Variants in TSHR observed in about 807,000 individuals in gnomAD.
TSHR encodes the protein thyrotropin receptor.
TSHR carries 51 observed loss-of-function variants against 64.1 expected under a neutral mutation model. That is an observed-to-expected ratio of 0.80 (90% CI 0.64 to 1.01). TSHR has a LOEUF of 1.01. Among genes scored for constraint, TSHR ranks in the 50% least tolerant of loss-of-function variants. The probability of loss-of-function intolerance (pLI) is 0.00; values close to 1 mark genes in which losing one functional copy is unlikely to be tolerated. For missense variants in TSHR, 877 were observed against 942.8 expected (o/e 0.93, Z 0.91); for synonymous variants, 361 against 361.9 (o/e 1.00, Z 0.03).
intron 8 of TSHR, among the ~76,000 whole-genome samples, chr14:81,135,224 GA>G (rs1315936365): frequency 6.6e-6 from 1 of 152,102 alleles, no homozygotes; most frequent in Non-Finnish European, 1.5e-5. Context: ...AGAAAATCAA[GA>G]AAAAAGATGA....
chr14:81,069,093 A>T (rs1306218139), intron 3 of TSHR, among the ~76,000 whole-genome samples: 1 of 152,228 alleles, frequency 6.6e-6, no homozygotes, highest in Non-Finnish European at 1.5e-5. Flanking sequence ...CTTATCTACA[A>T]ATACTTAGTA....
At chr14:80,990,335 A>C (rs1477093178) in intron 1 of TSHR, among the ~76,000 whole-genome samples, 1 of 152,222 alleles carries the variant, frequency 6.6e-6, no homozygotes, top group African/African-American at 2.4e-5. Flanking sequence ...GGGGCAGCTC[A>C]TAATAAGCAA....
intron 8 of TSHR, among the ~76,000 whole-genome samples, chr14:81,110,508 C>A (rs1566819658): frequency 6.6e-6 from 1 of 152,190 alleles, no homozygotes; most frequent in Non-Finnish European, 1.5e-5. Flanking sequence ...CTTGCAGCCT[C>A]CAGAACTGTA....
At chr14:81,087,919 C>G (rs77924349) in intron 3 of TSHR, 35 bp from the exon 4 acceptor site, 1 of 1,374,868 alleles carries the variant, frequency 7.3e-7, no homozygotes, top group Admixed American at 1.7e-5. Flanking sequence ...GATACGGATG[C>G]ATTATAGTGA....
At position 81,143,930 on chromosome 14, in the gene TSHR, G is replaced by A. The variant is rs1891821178; in HGVS notation, c.1872G>A (p.Lys624=). 3.7e-6 allele frequency: 6 copies of A among 1,614,228 alleles called. No individual in the cohort carries two copies. The highest frequency in any genetic ancestry group is 5.1e-6 in the Non-Finnish European group (6 of 1,180,048). Reference sequence around the variant, plus strand: ...GGGACAAAGATACCAAAATTGCCAAGAGGATGGCTGTGTTGATCTTCACCG... The same window carrying A: ...GGGACAAAGATACCAAAATTGCCAAAAGGATGGCTGTGTTGATCTTCACCG... ...NPGDKDTKIA[K]RMAVLIFTDF... Residue 624 remains lysine (K), a synonymous_variant, in exon 10 of 10, where the codon AAG becomes AAA. Transcript: ENST00000298171.
At chr14:80,979,173 T>C (rs1347749069) in intron 1 of TSHR, among the ~76,000 whole-genome samples, 1 of 152,106 alleles carries the variant, frequency 6.6e-6, no homozygotes, top group Non-Finnish European at 1.5e-5. Context: ...CTGGAGGATA[T>C]CATGTTAAGT....
intron 1 of TSHR, among the ~76,000 whole-genome samples, chr14:81,033,555 G>A (rs111229401): frequency 0.062 from 8,341 of 133,660 alleles, 372 homozygotes; most frequent in African/African-American, 0.14. Context: ...GTTAAAATCA[G>A]GGTTTTTTTT....
intron 1 of TSHR, among the ~76,000 whole-genome samples, chr14:80,965,412 G>A (rs1196427526): frequency 6.6e-6 from 1 of 152,186 alleles, no homozygotes; most frequent in Non-Finnish European, 1.5e-5. Flanking sequence ...TTATTGTGGT[G>A]ATTACTTTCT....
intron 1 of TSHR, among the ~76,000 whole-genome samples, chr14:81,024,252 G>C (rs1428300847): frequency 6.7e-6 from 1 of 149,878 alleles, no homozygotes; most frequent in African/African-American, 2.5e-5. Context: ...TTTTTTGTTT[G>C]TTTGTTTGTT....
intron 1 of TSHR, among the ~76,000 whole-genome samples, chr14:80,973,428 A>AAAAAAAAAAAAAAAAAC (rs1276844641): frequency 6.9e-6 from 1 of 145,138 alleles, no homozygotes; most frequent in Non-Finnish European, 1.5e-5. Context: ...AAAAAAAAAA[A>AAAAAAAAAAAAAAAAAC]ATCTGTGTAC....
At chr14:81,047,968 A>C (rs575659587) in intron 1 of TSHR, among the ~76,000 whole-genome samples, 23 of 152,192 alleles carry the variant, frequency 1.5e-4, no homozygotes, top group Non-Finnish European at 3.1e-4. Context: ...TTTATATAGA[A>C]GTATTAACTG....
chr14:80,981,809 A>G (rs1405975565), intron 1 of TSHR, among the ~76,000 whole-genome samples: 5 of 152,150 alleles, frequency 3.3e-5, no homozygotes, highest in Non-Finnish European at 7.4e-5. Context: ...TGCCCTCTGT[A>G]TCGTTGACAG....
At chr14:81,067,482 T>TC (rs1459873165) in intron 2 of TSHR, among the ~76,000 whole-genome samples, 3 of 49,354 alleles carry the variant, frequency 6.1e-5, no homozygotes, top group Non-Finnish European at 1.2e-4. Flanking sequence ...AGTTTATAGT[T>TC]TTATATATAT....
At chr14:81,116,736 T>C (rs1890531499) in intron 8 of TSHR, among the ~76,000 whole-genome samples, 1 of 148,840 alleles carries the variant, frequency 6.7e-6, no homozygotes, top group African/African-American at 2.6e-5. Context: ...ACATTTTTTT[T>C]CAGCACCACA....
intron 1 of TSHR, among the ~76,000 whole-genome samples, chr14:80,975,949 TTGC>T (rs1462761021): frequency 2.0e-5 from 3 of 151,524 alleles, no homozygotes; most frequent in Non-Finnish European, 4.4e-5. Context: ...TCTCACTCTG[TTGC>T]CCAGGCTGGA....
chr14:81,080,380 C>T (rs751261107), intron 3 of TSHR, among the ~76,000 whole-genome samples: 97 of 152,156 alleles, frequency 6.4e-4, no homozygotes, highest in Non-Finnish European at 5.4e-4. Context: ...CAAGTGGATG[C>T]ATCAGAGGTT....
At chr14:81,115,146 G>A (rs1161809687) in intron 8 of TSHR, among the ~76,000 whole-genome samples, 1 of 152,170 alleles carries the variant, frequency 6.6e-6, no homozygotes, top group Non-Finnish European at 1.5e-5. Flanking sequence ...AAGGAACGCA[G>A]TTCCTCACCA....
intron 1 of TSHR, among the ~76,000 whole-genome samples, chr14:81,023,358 A>G (rs1875554969): frequency 6.6e-6 from 1 of 152,168 alleles, no homozygotes; most frequent in Non-Finnish European, 1.5e-5. Context: ...CTCCCACAGC[A>G]CATGGGAATT....
At position 81,057,564 on chromosome 14, in the gene TSHR, C is replaced by G. The variant is rs1215209069; in HGVS notation, c.171-4584C>G. Reference sequence around the variant, plus strand: ...AATATGGATTATTTTTACCAATTCCCTCTTTTTCTACTATGAATACTTTCT... The same window carrying G: ...AATATGGATTATTTTTACCAATTCCGTCTTTTTCTACTATGAATACTTTCT... On this transcript the variant is annotated intron_variant, in intron 1 of 9. Transcript: ENST00000298171. 3.9e-5 allele frequency among the ~76,000 whole-genome samples: 6 copies of G among 152,144 alleles called. 1 individual carries two copies. The highest frequency in any genetic ancestry group is 7.4e-5 in the Non-Finnish European group (5 of 68,022).
Sources: gnomAD v4.1 joint callset for allele counts (sites outside exome capture counted in the v4.1 genomes callset) on GRCh38, gnomAD v4.1.1 for gene constraint, MANE v1.5 for transcripts, NCBI Gene and HGNC (gene_info 2026-07-23, HGNC 2026-07-21) for gene names.